ASPSCR1: variants seen among roughly 807,000 people sequenced by gnomAD.
ASPSCR1 encodes the protein ASPSCR1 tether for SLC2A4, UBX domain containing.
A neutral mutation model predicts 68.9 loss-of-function variants in ASPSCR1; 55 were observed. The observed-to-expected ratio is 0.80, with a 90% CI of 0.64 to 1.00. The LOEUF (loss-of-function observed/expected upper bound fraction) is 1.00, where lower values mean the gene tolerates loss of function less well. Among genes scored for constraint, ASPSCR1 ranks in the 50% least tolerant of loss-of-function variants. The pLI is 0.00. For missense variants in ASPSCR1, 765 were observed against 762.2 expected (o/e 1.00, Z -0.04); for synonymous variants, 352 against 332.6 (o/e 1.06, Z -0.63).
At position 81,987,174 on chromosome 17, in the gene ASPSCR1, G is replaced by A. The variant is rs2042023296; in HGVS notation, c.374+1567G>A. ...GCAAAGCGAAGCCACGGGCAGGGGT[G>A]AGCGGGACCCGAGGCAGGAGATGAC... On this transcript the variant is annotated intron_variant, in intron 4 of 15. Transcript: ENST00000306739. The surrounding 1 kb of genome is among the most constrained non-coding windows in gnomAD (Gnocchi z 5.6). Among the ~76,000 whole-genome samples the A allele has an allele frequency of 1.3e-5, 2 of 149,936 alleles. No homozygotes were observed. Among genetic ancestry groups the A allele is most frequent in the African/African-American group, 5.0e-5 (2 of 39,866 alleles).
rs898192615 is a variant in ASPSCR1, at chr17:81,983,464, C to T, written c.159-90C>T. 6.0e-5 allele frequency: 65 copies of T among 1,078,948 alleles called. No individual in the cohort carries two copies. The Middle Eastern group carries it at 6.6e-4, about 11-fold the overall frequency. 66.8% of individuals were successfully genotyped at this position (1,078,948 alleles called of 1,614,324 possible). ...GGATGGCGGGGCGTGGATGGCGGGGCGTGGATGGTGGGACGGGGATGGCGG... is the reference window on the plus strand; with the variant it reads ...GGATGGCGGGGCGTGGATGGCGGGGTGTGGATGGTGGGACGGGGATGGCGG... On this transcript the variant is annotated intron_variant, in intron 2 of 15. Coordinates refer to ENST00000306739, the MANE Select transcript of ASPSCR1 (RefSeq NM_024083.4). This position sits in a 1 kb window ranked among gnomAD's most constrained non-coding sequence, Gnocchi z 4.4.
chr17:82,002,019 T>C (rs1302223711), intron 7 of ASPSCR1, among the ~76,000 whole-genome samples: 1 of 141,458 alleles, frequency 7.1e-6, no homozygotes, highest in East Asian at 2.0e-4. Flanking sequence ...TTTTTTTTTT[T>C]TTTTTTGAGA....
rs1233727125 is a variant in ASPSCR1 at position 81,983,183 on chromosome 17, G to C, written c.159-371G>C. Among the ~76,000 whole-genome samples, 1 of 152,188 alleles carries C rather than the reference G, an allele frequency of 6.6e-6. No homozygotes were observed. The highest frequency in any genetic ancestry group is 1.5e-5 in the Non-Finnish European group (1 of 68,034). On this transcript the variant is annotated intron_variant, in intron 2 of 15. Transcript: ENST00000306739. This position sits in a 1 kb window ranked among gnomAD's most constrained non-coding sequence, Gnocchi z 4.4. Reference sequence around the variant, plus strand: ...GTGGTGGCTCCAGCCGTGACGGCCGGGGTCTGTGACACTCCAGCTTCCGCG... The same window carrying C: ...GTGGTGGCTCCAGCCGTGACGGCCGCGGTCTGTGACACTCCAGCTTCCGCG...
chr17:82,006,965 T>C (rs2042741023), intron 7 of ASPSCR1: 1 of 152,312 alleles, frequency 6.6e-6, no homozygotes, highest in Admixed American at 6.5e-5. Context: ...AAGTCTCTCC[T>C]GGGGAAGGCT....
Position 81,996,667 on chromosome 17 carries a change from C to CA in ASPSCR1, c.754_755insA (p.Leu252HisfsTer17). On this transcript the variant is annotated frameshift_variant, in exon 7 of 16. Transcript: ENST00000306739. LOFTEE classifies it high-confidence loss of function. The stretch of plus-strand genomic sequence containing the variant: ...TCCTTTCTCGGGTGGGGGACAGAGA[C>CA]TGGGGGGCCCTCCTGGGCCCACGAG... The CA allele has an allele frequency of 6.2e-7, 1 of 1,612,970 alleles. No individual in the cohort carries two copies. Among genetic ancestry groups the CA allele is most frequent in the Non-Finnish European group, 8.5e-7 (1 of 1,179,734 alleles).
intron 4 of ASPSCR1, among the ~76,000 whole-genome samples, chr17:81,988,290 A>G (rs957021871): frequency 9.9e-5 from 15 of 151,724 alleles, no homozygotes; most frequent in African/African-American, 3.1e-4. Flanking sequence ...GTGAAAACCC[A>G]TCTCTACTAA....
At chr17:81,997,895 C>T (rs1411492040) in intron 7 of ASPSCR1, among the ~76,000 whole-genome samples, 4 of 147,094 alleles carry the variant, frequency 2.7e-5, no homozygotes, top group East Asian at 2.0e-4. Context: ...GGCGCACTTT[C>T]GGCTCACTGT....
At chr17:81,982,953 A>G (rs1478524847) in intron 2 of ASPSCR1, among the ~76,000 whole-genome samples, 1 of 152,176 alleles carries the variant, frequency 6.6e-6, no homozygotes, top group Non-Finnish European at 1.5e-5. Context: ...AGCTGGGACT[A>G]CAGGCCTGAG....
chr17:81,984,408 C>T (rs1206000809), intron 3 of ASPSCR1, among the ~76,000 whole-genome samples: 1 of 152,032 alleles, frequency 6.6e-6, no homozygotes, highest in African/African-American at 2.4e-5. Flanking sequence ...GAAACCCCGT[C>T]TCTACTAAAA....
In ASPSCR1 at chr17:81,996,749, C is replaced by T; in HGVS notation, c.836C>T (p.Pro279Leu). ...LPKSLSSPGGPSKPKKSKSGQ... is the reference protein window; with the variant it reads ...LPKSLSSPGGLSKPKKSKSGQ... ...AAGTCCCTCTCCAGCCCTGGAGGCC[C>T]CTCCAAGCCAAAGAAGTCCAAGTCG... Residue 279 changes from proline (P) to leucine (L), a missense_variant, in exon 7 of 16, where the codon CCC (proline) becomes CTC (leucine). Pro to Leu is a moderately conservative substitution (Grantham distance 98). Coordinates refer to ENST00000306739, the MANE Select transcript of ASPSCR1 (RefSeq NM_024083.4). The T allele has an allele frequency of 6.2e-7, 1 of 1,613,338 alleles. No homozygotes were observed. The highest frequency in any genetic ancestry group is 8.5e-7 in the Non-Finnish European group (1 of 1,179,956).
chr17:82,014,384 T>C lies in ASPSCR1; in HGVS notation c.1354-2092T>C, dbSNP rs770139209. On this transcript the variant is annotated intron_variant, in intron 12 of 15. Coordinates refer to ENST00000306739, the MANE Select transcript of ASPSCR1 (RefSeq NM_024083.4). ...ATGGTCTTGCAGAAGGCAGGATGGCTCCTGCAGCCCCCACTCCCGCTCTGT... is the reference window on the plus strand; with the variant it reads ...ATGGTCTTGCAGAAGGCAGGATGGCCCCTGCAGCCCCCACTCCCGCTCTGT... 2.7e-3 allele frequency: 420 copies of C among 153,004 alleles called. 7 individuals carry two copies. The highest frequency in any genetic ancestry group is 7.9e-4 in the Non-Finnish European group (54 of 68,654). 9.5% of individuals were successfully genotyped at this position (153,004 alleles called of 1,614,324 possible).
chr17:82,015,528 A>T, intron 12 of ASPSCR1: 1 of 859,022 alleles, frequency 1.2e-6, no homozygotes, highest in Non-Finnish European at 1.7e-6. Flanking sequence ...TGTGGGGGCT[A>T]TGATGAGAAC....
At chr17:81,985,364 T>A in intron 3 of ASPSCR1, 143 bp from the exon 4 acceptor site, 1 of 765,502 alleles carries the variant, frequency 1.3e-6, no homozygotes. Context: ...AATAGGAGGG[T>A]AGCCTTCTCC....
intron 8 of ASPSCR1, 42 bp from the exon 9 acceptor site, chr17:82,009,444 C>G: frequency 6.5e-7 from 1 of 1,533,882 alleles, no homozygotes; most frequent in Non-Finnish European, 8.8e-7. Flanking sequence ...CCAGGGCCCC[C>G]ATTCTGACCA....
intron 2 of ASPSCR1, among the ~76,000 whole-genome samples, chr17:81,980,324 C>T (rs2041756801): frequency 6.6e-6 from 1 of 152,236 alleles, no homozygotes; most frequent in Non-Finnish European, 1.5e-5. Context: ...ACACTGGGGG[C>T]AGAGGGCAGG....
chr17:82,002,353 G>A (rs1232441951), intron 7 of ASPSCR1, among the ~76,000 whole-genome samples: 1 of 149,656 alleles, frequency 6.7e-6, no homozygotes, highest in Admixed American at 6.7e-5. Context: ...TCCCCTCCCA[G>A]TTCAAGTAAT....
At chr17:81,994,345 G>A (rs926579801) in intron 4 of ASPSCR1, among the ~76,000 whole-genome samples, 2 of 152,202 alleles carry the variant, frequency 1.3e-5, no homozygotes, top group African/African-American at 4.8e-5. Flanking sequence ...ATCAGGCGTC[G>A]GCTTTGAAGG....
chr17:82,013,489 G>C (rs754713092), intron 12 of ASPSCR1: 1 of 152,230 alleles, frequency 6.6e-6, no homozygotes, highest in Non-Finnish European at 1.5e-5. Context: ...GTGCCTGCCT[G>C]CCTGCCTGCC....
At chr17:82,017,150 G>C (rs371078443) in intron 15 of ASPSCR1, 37 bp downstream of exon 15, 2 of 1,566,788 alleles carry the variant, frequency 1.3e-6, no homozygotes, top group South Asian at 2.3e-5. Context: ...TGCTGTGGCC[G>C]GGTGGAGGGC....
Sources: gnomAD v4.1 joint callset for allele counts (sites outside exome capture counted in the v4.1 genomes callset) on GRCh38, gnomAD v4.1.1 for gene constraint, Gnocchi (gnomAD v3.1) non-coding constraint, MANE v1.5 for transcripts, NCBI Gene and HGNC (gene_info 2026-07-23, HGNC 2026-07-21) for gene names.